HSPBAP1: variants seen among roughly 807,000 people sequenced by gnomAD.
HSPBAP1 encodes HSPB1 associated protein 1.
A neutral mutation model predicts 45.2 loss-of-function variants in HSPBAP1; 27 were observed. The ratio of observed to expected loss-of-function variants is 0.60; its 90% CI spans 0.44 to 0.82. The LOEUF (loss-of-function observed/expected upper bound fraction) is 0.82. Ranked by LOEUF, HSPBAP1 falls within the 40% of genes least tolerant of loss-of-function variation. The probability of loss-of-function intolerance (pLI) is 0.00; values close to 1 mark genes in which losing one functional copy is unlikely to be tolerated. For missense variants in HSPBAP1, 510 were observed against 590.9 expected, an observed-to-expected ratio of 0.86 and a Z score of 1.42; for synonymous variants, 204 against 202.7, an observed-to-expected ratio of 1.01 and a Z score of -0.06.
chr3:122,747,038 C>T (rs1213106405), intron 6 of HSPBAP1, among the ~76,000 whole-genome samples: 2 of 152,156 alleles, frequency 1.3e-5, no homozygotes, highest in Non-Finnish European at 2.9e-5. Flanking sequence ...CTTGGCCTCC[C>T]AAAGTGCCGA....
intron 3 of HSPBAP1, among the ~76,000 whole-genome samples, chr3:122,762,978 T>C (rs1304502941): frequency 2.0e-5 from 3 of 152,248 alleles, no homozygotes; most frequent in African/African-American, 7.2e-5. Context: ...ACTATAATTG[T>C]GTATTTGTGT....
chr3:122,781,493 G>A (rs997777952), intron 1 of HSPBAP1, among the ~76,000 whole-genome samples: 5 of 151,676 alleles, frequency 3.3e-5, no homozygotes, highest in East Asian at 2.0e-4. Flanking sequence ...GCAGTGAGCC[G>A]AGATGGCAGC....
intron 1 of HSPBAP1, among the ~76,000 whole-genome samples, chr3:122,785,737 TA>T (rs761278460): frequency 1.5e-4 from 23 of 152,158 alleles, no homozygotes; most frequent in Admixed American, 3.3e-4. Flanking sequence ...AACTTCTACT[TA>T]CCCAATACTC....
intron 6 of HSPBAP1, among the ~76,000 whole-genome samples, chr3:122,747,497 GC>G (rs561141200): frequency 3.3e-4 from 50 of 150,250 alleles, no homozygotes; most frequent in African/African-American, 1.1e-3. Flanking sequence ...GGGGGGGTCA[GC>G]CCCCCTCCCG....
chr3:122,780,957 G>A (rs1380102891), intron 1 of HSPBAP1, among the ~76,000 whole-genome samples: 1 of 139,510 alleles, frequency 7.2e-6, no homozygotes, highest in Non-Finnish European at 1.6e-5. Flanking sequence ...TCAGACGATG[G>A]GCGGCCGGGC....
chr3:122,787,513 G>T (rs1935693152), intron 1 of HSPBAP1, among the ~76,000 whole-genome samples: 1 of 152,056 alleles, frequency 6.6e-6, no homozygotes, highest in African/African-American at 2.4e-5. Context: ...TAATTTTAAT[G>T]AAAAAATTAA....
chr3:122,787,842 T>C (rs1291730164), intron 1 of HSPBAP1, among the ~76,000 whole-genome samples: 1 of 152,244 alleles, frequency 6.6e-6, no homozygotes, highest in Admixed American at 6.5e-5. Context: ...GAAGACTGAA[T>C]GGTAAAACTT....
At chr3:122,780,485 G>A (rs537104646) in intron 1 of HSPBAP1, among the ~76,000 whole-genome samples, 3 of 128,634 alleles carry the variant, frequency 2.3e-5, no homozygotes, top group South Asian at 2.4e-4. Context: ...CCTCCCGGAC[G>A]GGGCAGCTGG....
intron 4 of HSPBAP1, 117 bp from the exon 5 acceptor site, chr3:122,755,548 A>C: frequency 1.4e-6 from 1 of 704,092 alleles, no homozygotes; most frequent in Non-Finnish European, 2.2e-6. Flanking sequence ...CCCTAAGGGA[A>C]TATAGGCACC....
At chr3:122,770,629 A>G (rs1415828010) in intron 2 of HSPBAP1, among the ~76,000 whole-genome samples, 2 of 152,190 alleles carry the variant, frequency 1.3e-5, no homozygotes, top group African/African-American at 2.4e-5. Context: ...TGAGCCCTGG[A>G]GGTTGAGGCT....
intron 2 of HSPBAP1, among the ~76,000 whole-genome samples, chr3:122,769,876 T>C (rs891561471): frequency 6.6e-6 from 1 of 152,242 alleles, no homozygotes; most frequent in Non-Finnish European, 1.5e-5. Flanking sequence ...AGATGGGGTT[T>C]GGCCATGTTG....
chr3:122,789,169 A>T (rs115163975), intron 1 of HSPBAP1, among the ~76,000 whole-genome samples: 1 of 152,212 alleles, frequency 6.6e-6, no homozygotes, highest in South Asian at 2.1e-4. Context: ...CGGGTCTCCA[A>T]CTGAAAAAGA....
At chr3:122,784,386 T>TAC (rs1368646183) in intron 1 of HSPBAP1, among the ~76,000 whole-genome samples, 1 of 152,084 alleles carries the variant, frequency 6.6e-6, no homozygotes, top group Non-Finnish European at 1.5e-5. Context: ...AGCATACACA[T>TAC]ACACACACAC....
At chr3:122,780,048 C>T (rs1935357892) in intron 1 of HSPBAP1, among the ~76,000 whole-genome samples, 1 of 152,138 alleles carries the variant, frequency 6.6e-6, no homozygotes, top group African/African-American at 2.4e-5. Flanking sequence ...GGGTGGCAGC[C>T]GGGCAGAGGG....
intron 2 of HSPBAP1, among the ~76,000 whole-genome samples, chr3:122,775,802 A>C (rs1935175028): frequency 6.6e-6 from 1 of 152,250 alleles, no homozygotes. Context: ...ACATGTCCAC[A>C]CAAAAACATG....
intron 1 of HSPBAP1, among the ~76,000 whole-genome samples, chr3:122,780,018 C>T (rs926878167): frequency 3.0e-4 from 45 of 152,148 alleles, no homozygotes; most frequent in African/African-American, 1.1e-3. Context: ...CAATGAGCTG[C>T]TGGGTACACC....
intron 1 of HSPBAP1, among the ~76,000 whole-genome samples, chr3:122,785,463 T>C (rs1935622126): frequency 6.6e-6 from 1 of 152,214 alleles, no homozygotes; most frequent in African/African-American, 2.4e-5. Flanking sequence ...TCTGATCACC[T>C]TGGCCTGCCT....
At chr3:122,756,653 G>A (rs1034422870) in intron 4 of HSPBAP1, among the ~76,000 whole-genome samples, 4 of 150,244 alleles carry the variant, frequency 2.7e-5, no homozygotes, top group African/African-American at 9.8e-5. Context: ...AGCTATGATT[G>A]TGCCACTGCA....
chr3:122,773,042 G>C (rs1291656831), intron 2 of HSPBAP1, among the ~76,000 whole-genome samples: 1 of 151,836 alleles, frequency 6.6e-6, no homozygotes, highest in Non-Finnish European at 1.5e-5. Context: ...GTAGAGACAG[G>C]ATCTTGCTAT....
Sources: allele counts gnomAD v4.1 joint callset (sites outside exome capture counted in the v4.1 genomes callset), GRCh38; gene constraint gnomAD v4.1.1; transcripts MANE v1.5; gene names NCBI Gene and HGNC (gene_info 2026-07-23, HGNC 2026-07-21).